Variants in SYNJ2 observed in about 807,000 individuals in gnomAD.
The protein encoded by SYNJ2 is polyphosphatidylinositol phosphatase SYNJ2.
In SYNJ2, 116 loss-of-function variants were observed where a neutral mutation model predicts 141.3. The observed-to-expected ratio is 0.82, with a 90% confidence interval of 0.71 to 0.96. The LOEUF (loss-of-function observed/expected upper bound fraction) is 0.96. Ranked by LOEUF, SYNJ2 falls within the 40% of genes least tolerant of loss-of-function variation. SYNJ2 has a pLI of 0.00. For missense variants in SYNJ2, 1,873 were observed against 1,934.8 expected (o/e 0.97, Z 0.60); for synonymous variants, 745 against 777.7 (o/e 0.96, Z 0.70).
chr6:158,091,241 G>A (rs1012672501), intron 25 of SYNJ2, among the ~76,000 whole-genome samples: 8 of 151,986 alleles, frequency 5.3e-5, no homozygotes, highest in East Asian at 1.9e-4. Context: ...GGCTGAGCCC[G>A]GGAGGTGGAG....
Position 158,076,799 on chromosome 6 carries a change from C to T in SYNJ2, c.2449+17C>T, listed in dbSNP as rs1273974028. The T allele has an allele frequency of 8.1e-6, 13 of 1,596,676 alleles. No individual in the cohort carries two copies. The highest frequency in any genetic ancestry group is 1.7e-5 in the Admixed American group (1 of 57,638). On this transcript the variant is annotated intron_variant, in intron 17 of 26. Transcript: ENST00000355585. ...ATAAAACAGGTGAGGGGGCCGTGCC[C>T]GTTCGAGAGTCGGCAGAGGGTGAAT... is the stretch of plus-strand genomic sequence containing the variant.
chr6:158,017,099 T>G, intron 1 of SYNJ2, 105 bp from the exon 2 acceptor site: 1 of 1,469,546 alleles, frequency 6.8e-7, no homozygotes, highest in Non-Finnish European at 9.0e-7. Flanking sequence ...CTTTGTGTTT[T>G]CTTTTTGGAG....
rs567451101 is a variant in SYNJ2, at chr6:158,086,859, C to G, written c.3213C>G (p.Asp1071Glu). The G allele has an allele frequency of 1.3e-4, 209 of 1,611,638 alleles. 1 individual carries two copies. The highest frequency in any genetic ancestry group is 6.0e-4 in the South Asian group (55 of 91,076). The stretch of plus-strand genomic sequence containing the variant: ...ATGCCCCGCCATGTCCTCCAGATGA[C>G]GCGGACCTGGTGGAGCTCAAGCGGG... ...KKKQHPTYKDDADLVELKREL... is the reference protein window; with the variant it reads ...KKKQHPTYKDEADLVELKREL... The change falls in exon 23 of 27, where the codon GAC (aspartate) becomes GAG (glutamate). Residue 1071 changes from aspartate (D) to glutamate (E), a missense_variant. Physicochemically the swap from Asp to Glu is conservative, Grantham distance 45. Coordinates refer to ENST00000355585, the MANE Select transcript of SYNJ2 (RefSeq NM_003898.4).
chr6:158,096,080 G>A lies in SYNJ2; in HGVS notation c.4207G>A (p.Glu1403Lys), dbSNP rs778319723. Residue 1403 changes from glutamate to lysine, a missense_variant, in exon 27 of 27, where the codon GAG (glutamate) becomes AAG (lysine). Coordinates refer to ENST00000355585, the MANE Select transcript of SYNJ2 (RefSeq NM_003898.4). ...CGATGGCACCAAAGCGATGAAGCCA[G>A]AGGCAGCCCCACTTCTTGGTGATTA... Reference protein sequence around the residue: ...DSDGTKAMKPEAAPLLGDYQD... With the variant: ...DSDGTKAMKPKAAPLLGDYQD... 8.1e-6 allele frequency: 13 copies of A among 1,614,238 alleles called. 1 individual carries two copies. The highest frequency in any genetic ancestry group is 1.0e-5 in the Non-Finnish European group (12 of 1,180,044).
chr6:158,068,369 A>C (rs12208116), intron 12 of SYNJ2, among the ~76,000 whole-genome samples: 17,859 of 152,200 alleles, frequency 0.12, 1,435 homozygotes, highest in East Asian at 0.24. Context: ...GACTGGACAG[A>C]TTCAGTCAAT....
chr6:157,997,952 G>T (rs1042429965), intron 1 of SYNJ2, among the ~76,000 whole-genome samples: 5 of 152,222 alleles, frequency 3.3e-5, no homozygotes, highest in African/African-American at 1.2e-4. Context: ...GACTTCAGTC[G>T]GTCAGAGAAA....
At chr6:158,094,875 C>T (rs1371226580) in intron 26 of SYNJ2, among the ~76,000 whole-genome samples, 1 of 152,198 alleles carries the variant, frequency 6.6e-6, no homozygotes, top group Non-Finnish European at 1.5e-5. Flanking sequence ...GAGCTGGGCG[C>T]GGTGGCTCAC....
rs746735800 is a variant in SYNJ2 at position 158,064,737 on chromosome 6, A to AAGGGAAGG, written c.1347_1354dup (p.Ala452GlufsTer9). The AAGGGAAGG allele has an allele frequency of 6.2e-7, 1 of 1,613,818 alleles. No homozygotes were observed. Among genetic ancestry groups the AAGGGAAGG allele is most frequent in the Non-Finnish European group, 8.5e-7 (1 of 1,180,004 alleles). On this transcript the variant is annotated frameshift_variant, in exon 10 of 27. Coordinates refer to ENST00000355585, the MANE Select transcript of SYNJ2 (RefSeq NM_003898.4). LOFTEE classifies it high-confidence loss of function. ...GTGTTCACAGGCAGCAGAGCCCTGG[A>AAGGGAAGG]AGGGAAGGCCAAGGTAGGGCCCCGC...
intron 7 of SYNJ2, 78 bp from the exon 8 acceptor site, chr6:158,061,914 T>G: frequency 6.9e-7 from 1 of 1,456,144 alleles, no homozygotes; most frequent in Non-Finnish European, 9.4e-7. Context: ...GCCGCACGGG[T>G]CAAGCTCTGC....
chr6:157,998,633 T>C (rs1777722349), intron 1 of SYNJ2, among the ~76,000 whole-genome samples: 1 of 152,144 alleles, frequency 6.6e-6, no homozygotes, highest in South Asian at 2.1e-4. Flanking sequence ...TATTTAAGTG[T>C]AAAAAAACAA....
chr6:158,001,048 C>T (rs12202135), intron 1 of SYNJ2: 16,320 of 152,782 alleles, frequency 0.11, 1,113 homozygotes, highest in South Asian at 0.24. Context: ...CTCTGTTGGC[C>T]TCTCACTTGC....
intron 1 of SYNJ2, among the ~76,000 whole-genome samples, chr6:158,003,414 A>G (rs1445987484): frequency 6.6e-6 from 1 of 152,180 alleles, no homozygotes; most frequent in African/African-American, 2.4e-5. Context: ...GAGCTGCTTC[A>G]GCTCCAAAAC....
chr6:158,083,871 C>G, intron 21 of SYNJ2, 130 bp from the exon 22 acceptor site: 1 of 1,123,732 alleles, frequency 8.9e-7, no homozygotes, highest in Middle Eastern at 2.0e-4. Context: ...TCCCTGCTGG[C>G]GCCTGGGCCC....
intron 4 of SYNJ2, among the ~76,000 whole-genome samples, chr6:158,042,675 G>C (rs148675506): frequency 1.2e-4 from 18 of 152,352 alleles, no homozygotes; most frequent in African/African-American, 4.3e-4. Context: ...GTCTTAAAGT[G>C]TACGGATCAT....
intron 1 of SYNJ2, among the ~76,000 whole-genome samples, chr6:157,997,526 G>C (rs1777680004): frequency 1.3e-5 from 2 of 152,184 alleles, no homozygotes. Flanking sequence ...GCTACCGGAA[G>C]CTGGGAAAAG....
At chr6:158,006,699 G>A (rs1778082807) in intron 1 of SYNJ2, among the ~76,000 whole-genome samples, 1 of 152,220 alleles carries the variant, frequency 6.6e-6, no homozygotes, top group African/African-American at 2.4e-5. Flanking sequence ...TTGAGACGGA[G>A]TCTCACTCTG....
intron 5 of SYNJ2, among the ~76,000 whole-genome samples, chr6:158,050,063 G>C (rs1175373875): frequency 6.6e-6 from 1 of 152,210 alleles, no homozygotes; most frequent in African/African-American, 2.4e-5. Context: ...CAGCTCTACA[G>C]GTGTGGATGC....
rs1383867502 is a variant in SYNJ2, at chr6:158,006,665, C to T, written c.128-10539C>T. Among the ~76,000 whole-genome samples, 3 of 152,190 alleles carry T rather than the reference C, an allele frequency of 2.0e-5. No homozygotes were observed. In the East Asian group the frequency reaches 5.8e-4, roughly 29 times the overall value. On this transcript the variant is annotated intron_variant, in intron 1 of 26. Coordinates refer to ENST00000355585, the MANE Select transcript of SYNJ2 (RefSeq NM_003898.4). ...GCTGGGATTACAGGTGCACGCCACA[C>T]TCCCAGCTAATTTTTGTTGTTGTTT...
At chr6:158,088,874 T>A in intron 24 of SYNJ2, 102 bp downstream of exon 24, 3 of 808,928 alleles carry the variant, frequency 3.7e-6, no homozygotes, top group Middle Eastern at 5.3e-4. Context: ...TCTTTAACCC[T>A]CTACCTGCTC....
Sources: allele counts gnomAD v4.1 joint callset (sites outside exome capture counted in the v4.1 genomes callset), GRCh38; gene constraint gnomAD v4.1.1; transcripts MANE v1.5; gene names NCBI Gene and HGNC (gene_info 2026-07-23, HGNC 2026-07-21).